Variants in AHCYL2 observed in about 807,000 individuals in gnomAD.
AHCYL2 encodes the protein adenosylhomocysteinase like 2, also known as S-adenosylhomocysteine hydrolase-like protein 2.
In AHCYL2, 28 loss-of-function variants were observed where a neutral mutation model predicts 81.4. The observed-to-expected ratio is 0.34, with a 90% confidence interval of 0.25 to 0.47. The LOEUF is 0.47. AHCYL2 is among the 20% of genes least tolerant of loss of function. AHCYL2 has a pLI of 1.00. For missense variants in AHCYL2, 551 were observed against 785.1 expected (o/e 0.70, Z 3.56); for synonymous variants, 272 against 290.2 (o/e 0.94, Z 0.64).
intron 1 of AHCYL2, among the ~76,000 whole-genome samples, chr7:129,302,722 GATGA>G (rs914615413): frequency 6.6e-6 from 1 of 152,148 alleles, no homozygotes; most frequent in Non-Finnish European, 1.5e-5. Context: ...ACTTGATCAT[GATGA>G]ATGATCTTTT....
intron 1 of AHCYL2, among the ~76,000 whole-genome samples, chr7:129,270,425 T>C (rs1192447780): frequency 1.3e-5 from 2 of 152,220 alleles, no homozygotes; most frequent in Non-Finnish European, 2.9e-5. Context: ...CTTTTTTCTT[T>C]GAGTTTCTCT....
intron 1 of AHCYL2, among the ~76,000 whole-genome samples, chr7:129,293,277 G>A (rs1796933652): frequency 6.6e-6 from 1 of 152,172 alleles, no homozygotes; most frequent in Non-Finnish European, 1.5e-5. Context: ...AGTTATAGTT[G>A]TTGGTTTTCC....
chr7:129,349,675 G>A (rs1380268068), intron 1 of AHCYL2, among the ~76,000 whole-genome samples: 10 of 136,488 alleles, frequency 7.3e-5, no homozygotes, highest in Admixed American at 2.9e-4. Context: ...AAAAAAAAGC[G>A]TATGCCAACC....
At chr7:129,334,332 T>C (rs1432098344) in intron 1 of AHCYL2, among the ~76,000 whole-genome samples, 1 of 152,242 alleles carries the variant, frequency 6.6e-6, no homozygotes, top group Non-Finnish European at 1.5e-5. Context: ...TTTTCTTTGC[T>C]GCCGTCTATG....
rs111550980 is a variant in AHCYL2 at position 129,410,210 on chromosome 7, G to A, written c.1366+664G>A. On this transcript the variant is annotated intron_variant, in intron 11 of 16. Coordinates refer to ENST00000325006, the MANE Select transcript of AHCYL2 (RefSeq NM_015328.4). ...ATTGATCATTTGTTCCCGGCTCTTG[G>A]GATCACTGCTAAGCCCAATGGCTCC... The A allele has an allele frequency of 6.1e-5, 98 of 1,612,770 alleles. No homozygotes were observed. The African/African-American group carries it at 1.1e-3, about 19-fold the overall frequency.
At chr7:129,400,440 G>A in intron 6 of AHCYL2, 56 bp downstream of exon 6, 1 of 1,532,510 alleles carries the variant, frequency 6.5e-7, no homozygotes, top group Non-Finnish European at 9.0e-7. Context: ...GGGATGGGTG[G>A]AGGTTATGGC....
At chr7:129,267,325 A>G (rs1795849321) in intron 1 of AHCYL2, among the ~76,000 whole-genome samples, 1 of 150,606 alleles carries the variant, frequency 6.6e-6, no homozygotes, top group South Asian at 2.1e-4. Context: ...TTTTTTTGAG[A>G]CAGAGTTTCA....
At chr7:129,380,429 G>C (rs1463734805) in intron 2 of AHCYL2, among the ~76,000 whole-genome samples, 1 of 152,170 alleles carries the variant, frequency 6.6e-6, no homozygotes, top group Non-Finnish European at 1.5e-5. Flanking sequence ...GTGTTGGGAT[G>C]TGATAGGGAG....
intron 1 of AHCYL2, among the ~76,000 whole-genome samples, chr7:129,295,392 C>G (rs1054042547): frequency 6.6e-6 from 1 of 152,194 alleles, no homozygotes; most frequent in African/African-American, 2.4e-5. Context: ...AGACTGAGAA[C>G]AGAGTAGTGG....
intron 4 of AHCYL2, among the ~76,000 whole-genome samples, chr7:129,394,262 A>G (rs1584874020): frequency 6.6e-6 from 1 of 151,782 alleles, no homozygotes; most frequent in East Asian, 1.9e-4. Flanking sequence ...CTCCTGCCTC[A>G]GCCTTTCAAA....
At position 129,256,549 on chromosome 7, in the gene AHCYL2, A is replaced by ACACCC. The variant is rs1213535960; in HGVS notation, c.363+31111_363+31112insACCCC. On this transcript the variant is annotated intron_variant, in intron 1 of 16. Transcript: ENST00000325006. Reference sequence around the variant, plus strand: ...TCTTGCTTCCCGCCCCCCACCCCCCACCCCCCCCCCGCCTTAATCTATCTT... The same window carrying ACACCC: ...TCTTGCTTCCCGCCCCCCACCCCCCACACCCCCCCCCCCCCGCCTTAATCTATCTT... Among the ~76,000 whole-genome samples, 32 of 63,746 alleles carry ACACCC rather than the reference A, an allele frequency of 5.0e-4. 1 individual carries two copies. The highest frequency in any genetic ancestry group is 1.9e-3 in the African/African-American group (27 of 14,560). The allele number at this position is 63,746 out of a possible 152,430, so 41.8% of individuals were successfully genotyped here. A position where few individuals can be genotyped will look rare whatever the true frequency, so the allele number is the denominator to read the frequency against.
At chr7:129,384,278 A>G (rs1046439771) in intron 2 of AHCYL2, among the ~76,000 whole-genome samples, 1 of 149,014 alleles carries the variant, frequency 6.7e-6, no homozygotes, top group African/African-American at 2.4e-5. Context: ...TTTTGCTAAT[A>G]TATCATATAT....
intron 1 of AHCYL2, among the ~76,000 whole-genome samples, chr7:129,279,424 G>A (rs566259221): frequency 6.6e-6 from 1 of 152,114 alleles, no homozygotes; most frequent in African/African-American, 2.4e-5. Context: ...GTGTTTAATA[G>A]TTTTCAATAG....
At chr7:129,247,219 C>G (rs1795093203) in intron 1 of AHCYL2, among the ~76,000 whole-genome samples, 1 of 152,236 alleles carries the variant, frequency 6.6e-6, no homozygotes, top group African/African-American at 2.4e-5. Flanking sequence ...ATTTTCTTTA[C>G]ATCCTTGCCA....
At chr7:129,364,658 GT>G (rs1189750927) in intron 1 of AHCYL2, among the ~76,000 whole-genome samples, 1 of 152,098 alleles carries the variant, frequency 6.6e-6, no homozygotes, top group African/African-American at 2.4e-5. Context: ...ATATAATCTA[GT>G]AATTTTCTTA....
chr7:129,332,610 C>T (rs1032305786), intron 1 of AHCYL2, among the ~76,000 whole-genome samples: 1 of 152,240 alleles, frequency 6.6e-6, no homozygotes, highest in African/African-American at 2.4e-5. Flanking sequence ...TCTCTTTGAG[C>T]TTTTCACTAG....
At chr7:129,324,561 A>T (rs933928217) in intron 1 of AHCYL2, among the ~76,000 whole-genome samples, 1 of 151,964 alleles carries the variant, frequency 6.6e-6, no homozygotes, top group Non-Finnish European at 1.5e-5. Context: ...TGTCACCCAG[A>T]CTGGAGTGCA....
At chr7:129,338,802 A>G (rs1793054341) in intron 1 of AHCYL2, among the ~76,000 whole-genome samples, 1 of 152,118 alleles carries the variant, frequency 6.6e-6, no homozygotes, top group East Asian at 1.9e-4. Flanking sequence ...AATTGTGAAT[A>G]TTTCCCCCAA....
At chr7:129,278,368 A>G (rs1796299489) in intron 1 of AHCYL2, among the ~76,000 whole-genome samples, 1 of 152,056 alleles carries the variant, frequency 6.6e-6, no homozygotes, top group Non-Finnish European at 1.5e-5. Flanking sequence ...GAGTCACCAC[A>G]TCCAGTCTCT....
Sources: gnomAD v4.1 joint callset for allele counts (sites outside exome capture counted in the v4.1 genomes callset) on GRCh38, gnomAD v4.1.1 for gene constraint, MANE v1.5 for transcripts, NCBI Gene and HGNC (gene_info 2026-07-23, HGNC 2026-07-21) for gene names.